Variants in ACKR3 observed in about 807,000 individuals in gnomAD.
ACKR3 encodes atypical chemokine receptor 3, also known as C-X-C chemokine receptor type 7.
Under a neutral mutation model 22.4 loss-of-function variants are expected in ACKR3, and 6 were observed. That is an observed-to-expected ratio of 0.27 (90% CI 0.15 to 0.53). The LOEUF (loss-of-function observed/expected upper bound fraction) is 0.53, where lower values mean the gene tolerates loss of function less well. Ranked by LOEUF, ACKR3 falls within the 20% of genes least tolerant of loss-of-function variation. The pLI, the probability that ACKR3 is intolerant of heterozygous loss-of-function variation, is 0.96. For synonymous variants in ACKR3, 209 were observed against 205.2 expected (o/e 1.02, Z -0.16); for missense variants, 396 against 475.2 (o/e 0.83, Z 1.55).
chr2:236,559,061 GTGACCTGGGTT>G, the ACKR3 span, among the ~76,000 whole-genome samples: 1 of 152,178 alleles, frequency 6.6e-6, no homozygotes, highest in Non-Finnish European at 1.5e-5. Context: ...TCATAAAAAT[GTGACCTGGGTT>G]TGACCCTATG....
chr2:236,574,836 G>C lies in ACKR3; in HGVS notation c.-27+4912G>C, dbSNP rs371793864. 6.6e-5 allele frequency among the ~76,000 whole-genome samples: 10 copies of C among 152,304 alleles called. No individual in the cohort carries two copies. The highest frequency in any genetic ancestry group is 2.4e-4 in the African/African-American group (10 of 41,558). ...AAACGAGAGGTGCATCTCCGAGAAA[G>C]TCCTGCAATTGACAAGAGGAGCCCC... On this transcript the variant is annotated intron_variant, in intron 1 of 1. Coordinates refer to ENST00000272928, the MANE Select transcript of ACKR3 (RefSeq NM_020311.3). The surrounding 1 kb of genome is among the most constrained non-coding windows in gnomAD (Gnocchi z 5.6).
chr2:236,548,247 T>G, the ACKR3 span, among the ~76,000 whole-genome samples: 1 of 152,314 alleles, frequency 6.6e-6, no homozygotes, highest in East Asian at 1.9e-4. The surrounding 1 kb of genome is among the most constrained non-coding windows in gnomAD (Gnocchi z 4.3). Flanking sequence ...TCTTATGAAC[T>G]CATGATCAGT....
the ACKR3 span, among the ~76,000 whole-genome samples, chr2:236,555,744 C>T: frequency 6.6e-6 from 1 of 150,756 alleles, no homozygotes; most frequent in Non-Finnish European, 1.5e-5. Context: ...TACTTTTTTG[C>T]TTAAACTAGT....
the ACKR3 span, among the ~76,000 whole-genome samples, chr2:236,553,298 C>A: frequency 9.8e-5 from 15 of 152,306 alleles, no homozygotes; most frequent in East Asian, 2.7e-3. Context: ...AGAGAGTAGA[C>A]CTGGAGGGGC....
upstream of ACKR3, among the ~76,000 whole-genome samples, chr2:236,568,509 T>G (rs1322501055): frequency 1.3e-5 from 2 of 152,172 alleles, no homozygotes; most frequent in East Asian, 1.9e-4. Flanking sequence ...GAAGAGTGAT[T>G]GCGCCGCCCT....
At chr2:236,566,718 C>CCCTTCCCTTCCCTTCCCCTT (rs776013246), upstream of ACKR3, among the ~76,000 whole-genome samples, 1 of 114,490 alleles carries the variant, frequency 8.7e-6, no homozygotes, top group African/African-American at 4.1e-5. Context: ...TCCTTTCCTT[C>CCCTTCCCTTCCCTTCCCCTT]CCTTCCTTCC....
chr2:236,542,226 A>T, the ACKR3 span, among the ~76,000 whole-genome samples: 1 of 152,234 alleles, frequency 6.6e-6, no homozygotes, highest in African/African-American at 2.4e-5. Context: ...GTTCAGTGAC[A>T]TCATGTTGAT....
chr2:236,540,537 A>G, the ACKR3 span, among the ~76,000 whole-genome samples: 1 of 152,268 alleles, frequency 6.6e-6, no homozygotes, highest in East Asian at 1.9e-4. Context: ...CATTTTTTAC[A>G]TTAATGTTTA....
At chr2:236,549,988 C>T in the ACKR3 span, among the ~76,000 whole-genome samples, 2 of 152,286 alleles carry the variant, frequency 1.3e-5, no homozygotes, top group Non-Finnish European at 2.9e-5. This position sits in a 1 kb window ranked among gnomAD's most constrained non-coding sequence, Gnocchi z 5.3. Flanking sequence ...AGGGCCTATG[C>T]TAAGGCTGCC....
chr2:236,545,014 G>A, the ACKR3 span, among the ~76,000 whole-genome samples: 2 of 152,178 alleles, frequency 1.3e-5, no homozygotes, highest in South Asian at 2.1e-4. The surrounding 1 kb of genome is among the most constrained non-coding windows in gnomAD (Gnocchi z 5.3). Context: ...TGGCAACCAG[G>A]GCAGAGCAGA....
chr2:236,561,418 T>C, the ACKR3 span, among the ~76,000 whole-genome samples: 3 of 152,342 alleles, frequency 2.0e-5, no homozygotes, highest in South Asian at 6.2e-4. Flanking sequence ...GTACTATTTT[T>C]GTTGTTTTCA....
chr2:236,573,193 C>T, intron 1 of ACKR3, among the ~76,000 whole-genome samples: 1 of 151,954 alleles, frequency 6.6e-6, no homozygotes, highest in Non-Finnish European at 1.5e-5. Context: ...CACACATGCA[C>T]ACACACACAC....
chr2:236,578,147 A>G (rs766132952), intron 1 of ACKR3, among the ~76,000 whole-genome samples: 2 of 152,230 alleles, frequency 1.3e-5, no homozygotes, highest in African/African-American at 2.4e-5. Flanking sequence ...GCTCTGGGTC[A>G]TTTGGTGGCC....
chr2:236,564,132 C>T (rs1691135216), upstream of ACKR3, among the ~76,000 whole-genome samples: 2 of 149,758 alleles, frequency 1.3e-5, no homozygotes, highest in African/African-American at 5.1e-5. Context: ...TCGGGAAATG[C>T]CTCTGATTGG....
the ACKR3 span, among the ~76,000 whole-genome samples, chr2:236,543,359 T>C: frequency 6.6e-6 from 1 of 152,154 alleles, no homozygotes; most frequent in Admixed American, 6.5e-5. Flanking sequence ...TTGCTCAGCT[T>C]CAGAGGATCC....
chr2:236,580,504 C>G lies in ACKR3; in HGVS notation c.39C>G (p.Asn13Lys). ...LHLFDYSEPGNFSDISWPCNS... is the reference protein window; with the variant it reads ...LHLFDYSEPGKFSDISWPCNS... ...TCTTCGACTACTCAGAGCCAGGGAA[C>G]TTCTCGGACATCAGCTGGCCATGCA... Residue 13 changes from asparagine (N) to lysine (K), a missense_variant, in exon 2 of 2, where the codon AAC becomes AAG. Transcript: ENST00000272928. 1.2e-6 allele frequency: 2 copies of G among 1,614,170 alleles called. No homozygotes were observed. Among genetic ancestry groups the G allele is most frequent in the South Asian group, 1.1e-5 (1 of 91,090 alleles).
At chr2:236,559,296 T>C in the ACKR3 span, among the ~76,000 whole-genome samples, 4 of 152,338 alleles carry the variant, frequency 2.6e-5, no homozygotes, top group East Asian at 7.7e-4. Context: ...CAAATATAGG[T>C]AACAGCAAGT....
At chr2:236,557,562 G>A in the ACKR3 span, among the ~76,000 whole-genome samples, 1 of 152,208 alleles carries the variant, frequency 6.6e-6, no homozygotes, top group Admixed American at 6.5e-5. Context: ...AATAATCTGA[G>A]CTGTCAACTA....
At chr2:236,540,357 T>G in the ACKR3 span, among the ~76,000 whole-genome samples, 2 of 115,026 alleles carry the variant, frequency 1.7e-5, no homozygotes, top group Admixed American at 1.6e-4. Flanking sequence ...CTTTTGTCTG[T>G]TTTTTTTTTT....
Sources: gnomAD v4.1 joint callset for allele counts (sites outside exome capture counted in the v4.1 genomes callset) on GRCh38, gnomAD v4.1.1 for gene constraint, Gnocchi (gnomAD v3.1) non-coding constraint, MANE v1.5 for transcripts, NCBI Gene and HGNC (gene_info 2026-07-23, HGNC 2026-07-21) for gene names.